Variants in ABTB3 observed in about 807,000 individuals in gnomAD.
The protein encoded by ABTB3 is ankyrin repeat and BTB domain containing 3.
chr12:107,590,951 C>T, the ABTB3 span, among the ~76,000 whole-genome samples: 3 of 152,180 alleles, frequency 2.0e-5, no homozygotes, highest in Admixed American at 6.5e-5. Context: ...ATATTAATTA[C>T]GTGAGGACAT....
chr12:107,516,329 C>G, the ABTB3 span, among the ~76,000 whole-genome samples: 1 of 151,904 alleles, frequency 6.6e-6, no homozygotes, highest in African/African-American at 2.4e-5. Flanking sequence ...CTCCCGAGTT[C>G]AAGTGATTTT....
At chr12:107,489,484 C>T in the ABTB3 span, among the ~76,000 whole-genome samples, 1 of 152,176 alleles carries the variant, frequency 6.6e-6, no homozygotes, top group African/African-American at 2.4e-5. Context: ...TGCACCATTG[C>T]TCTCCAGCCT....
At chr12:107,539,268 C>T in the ABTB3 span, among the ~76,000 whole-genome samples, 4 of 152,100 alleles carry the variant, frequency 2.6e-5, no homozygotes, top group East Asian at 1.9e-4. Flanking sequence ...TCTCAGTGCC[C>T]GATCCCACCC....
At chr12:107,327,283 A>G in the ABTB3 span, among the ~76,000 whole-genome samples, 1 of 152,018 alleles carries the variant, frequency 6.6e-6, no homozygotes, top group Non-Finnish European at 1.5e-5. Flanking sequence ...CCTTTTCCCC[A>G]CACCTGTCTT....
the ABTB3 span, chr12:107,658,384 A>G: frequency 1.3e-5 from 2 of 152,298 alleles, no homozygotes; most frequent in Non-Finnish European, 2.9e-5. Context: ...CTGTGTAAAC[A>G]TGCATCTGAT....
At chr12:107,655,195 T>A in the ABTB3 span, among the ~76,000 whole-genome samples, 1 of 152,078 alleles carries the variant, frequency 6.6e-6, no homozygotes, top group Non-Finnish European at 1.5e-5. Flanking sequence ...CCTGATGGGA[T>A]GTGAGCCCCG....
chr12:107,376,852 A>G, the ABTB3 span, among the ~76,000 whole-genome samples: 2,178 of 152,320 alleles, frequency 0.014, 54 homozygotes, highest in African/African-American at 0.044. Context: ...TGCTCTCAGC[A>G]GCCCTGTTGT....
the ABTB3 span, among the ~76,000 whole-genome samples, chr12:107,589,493 A>G: frequency 2.6e-4 from 39 of 152,354 alleles, 1 homozygote; most frequent in East Asian, 6.9e-3. Context: ...GAAAGCCATC[A>G]CTGGCTGGAG....
At chr12:107,410,873 G>T in the ABTB3 span, among the ~76,000 whole-genome samples, 1 of 152,166 alleles carries the variant, frequency 6.6e-6, no homozygotes, top group African/African-American at 2.4e-5. Context: ...TCAAGCTGCA[G>T]GTGGAATTTG....
the ABTB3 span, among the ~76,000 whole-genome samples, chr12:107,357,125 G>T: frequency 6.6e-6 from 1 of 152,200 alleles, no homozygotes; most frequent in East Asian, 1.9e-4. Flanking sequence ...CACTGTACTT[G>T]TTCTCTTAGA....
At chr12:107,560,498 G>A in the ABTB3 span, among the ~76,000 whole-genome samples, 3 of 152,118 alleles carry the variant, frequency 2.0e-5, 1 homozygote, top group African/African-American at 7.2e-5. Flanking sequence ...AAGCTTTCTA[G>A]AGCAACAGTA....
the ABTB3 span, among the ~76,000 whole-genome samples, chr12:107,624,371 C>G: frequency 1.3e-5 from 2 of 152,076 alleles, no homozygotes; most frequent in African/African-American, 4.8e-5. Flanking sequence ...TTTCTCCCAA[C>G]GGCAATATCT....
chr12:107,502,991 C>T, the ABTB3 span, among the ~76,000 whole-genome samples: 4 of 152,100 alleles, frequency 2.6e-5, no homozygotes, highest in African/African-American at 9.7e-5. Flanking sequence ...GATCAGGAGA[C>T]AATTACCATT....
chr12:107,529,698 T>C, the ABTB3 span, among the ~76,000 whole-genome samples: 1 of 152,190 alleles, frequency 6.6e-6, no homozygotes, highest in Non-Finnish European at 1.5e-5. Context: ...ATTCATTAGG[T>C]CATAATCATT....
the ABTB3 span, among the ~76,000 whole-genome samples, chr12:107,353,417 C>T: frequency 1.3e-5 from 2 of 152,248 alleles, no homozygotes; most frequent in East Asian, 3.9e-4. Context: ...TGGATATTGA[C>T]ATGGGATCTG....
chr12:107,433,139 A>T, the ABTB3 span, among the ~76,000 whole-genome samples: 1 of 149,170 alleles, frequency 6.7e-6, no homozygotes, highest in Non-Finnish European at 1.5e-5. Flanking sequence ...CAAAAAAAAA[A>T]ATTAGCCGGG....
the ABTB3 span, among the ~76,000 whole-genome samples, chr12:107,541,855 C>T: frequency 1.3e-5 from 2 of 152,024 alleles, no homozygotes; most frequent in Non-Finnish European, 1.5e-5. Context: ...CACCACACTC[C>T]TGCGACATGC....
At chr12:107,353,880 A>G in the ABTB3 span, among the ~76,000 whole-genome samples, 2 of 152,098 alleles carry the variant, frequency 1.3e-5, no homozygotes. Context: ...TCCTGAAACC[A>G]TTCCCTCCCC....
chr12:107,596,487 A>C, the ABTB3 span, among the ~76,000 whole-genome samples: 1 of 152,064 alleles, frequency 6.6e-6, no homozygotes, highest in African/African-American at 2.4e-5. Flanking sequence ...GTAGTGGATG[A>C]CTGTAATCCC....
Sources: gnomAD v4.1 joint callset for allele counts (sites outside exome capture counted in the v4.1 genomes callset) on GRCh38, gnomAD v4.1.1 for gene constraint, MANE v1.5 for transcripts, NCBI Gene and HGNC (gene_info 2026-07-23, HGNC 2026-07-21) for gene names.